The following PREP variants were observed in gnomAD, a reference collection of about 807,000 sequenced individuals.
The protein encoded by PREP is prolyl endopeptidase, also known as dJ355L5.1 (prolyl endopeptidase).
PREP carries 29 observed loss-of-function variants against 87.6 expected under a neutral mutation model. The observed-to-expected ratio is 0.33, with a 90% CI of 0.25 to 0.45. The LOEUF is 0.45. PREP is among the 20% of genes least tolerant of loss of function. PREP has a pLI of 1.00. For missense variants in PREP, 695 were observed against 886.5 expected, an observed-to-expected ratio of 0.78 and a Z score of 2.74; for synonymous variants, 337 against 328.6, an observed-to-expected ratio of 1.03 and a Z score of -0.28.
At chr6:105,321,869 C>T (rs1342190448) in intron 10 of PREP, among the ~76,000 whole-genome samples, 3 of 152,128 alleles carry the variant, frequency 2.0e-5, no homozygotes, top group East Asian at 3.9e-4. Context: ...GGATCTCTCT[C>T]GTGCAACCCT....
At chr6:105,371,625 G>A (rs1772551332) in intron 5 of PREP, among the ~76,000 whole-genome samples, 1 of 150,356 alleles carries the variant, frequency 6.7e-6, no homozygotes, top group South Asian at 2.1e-4. Flanking sequence ...TCATTATGAT[G>A]ACGTACCAAG....
chr6:105,363,813 G>A (rs890292321), intron 6 of PREP, among the ~76,000 whole-genome samples: 1 of 152,130 alleles, frequency 6.6e-6, no homozygotes, highest in African/African-American at 2.4e-5. Context: ...GAATCTCGAG[G>A]GAATGCTTCT....
chr6:105,344,987 T>G (rs1771759753), intron 7 of PREP, among the ~76,000 whole-genome samples: 1 of 152,238 alleles, frequency 6.6e-6, no homozygotes, highest in South Asian at 2.1e-4. Flanking sequence ...GTGGCTGGAT[T>G]CACAAAAGTC....
chr6:105,303,538 C>G (rs1770589847), intron 10 of PREP, among the ~76,000 whole-genome samples: 1 of 152,036 alleles, frequency 6.6e-6, no homozygotes, highest in Non-Finnish European at 1.5e-5. Flanking sequence ...AATCTATTGG[C>G]TCTTAGAAGT....
chr6:105,278,256 A>G lies in PREP; in HGVS notation c.2021T>C (p.Val674Ala), dbSNP rs763255297. Residue 674 changes from valine to alanine, a missense_variant, in exon 15 of 15, where the codon GTG becomes GCG. Physicochemically the swap from Val to Ala is moderately conservative, Grantham distance 64. This residue lies in a region of PREP where 121 missense variants were observed against 154.8 expected (regional missense o/e 0.78). Coordinates refer to ENST00000652536, the MANE Select transcript of PREP (RefSeq NM_002726.5). This position sits in a 1 kb window ranked among gnomAD's most constrained non-coding sequence, Gnocchi z 4.2. ...RKQSNPLLIH[V>A]DTKAGHGAGK... is the part of the protein sequence containing the mutation. ...CGCCCCGTGGCCCGCCTTGGTGTCC[A>G]CGTGGATAAGCAGGGGGTTGCTTTG... 7 of 1,614,166 alleles carry G rather than the reference A, an allele frequency of 4.3e-6. No individual in the cohort carries two copies. The highest frequency in any genetic ancestry group is 5.9e-6 in the Non-Finnish European group (7 of 1,180,030).
chr6:105,296,679 T>G (rs1021374918), intron 10 of PREP, among the ~76,000 whole-genome samples: 6 of 152,254 alleles, frequency 3.9e-5, no homozygotes, highest in Non-Finnish European at 7.3e-5. Flanking sequence ...GAATGGTTCC[T>G]TTCCAGGTCT....
At chr6:105,322,030 C>T (rs1399793565) in intron 10 of PREP, among the ~76,000 whole-genome samples, 1 of 151,910 alleles carries the variant, frequency 6.6e-6, no homozygotes, top group African/African-American at 2.4e-5. Context: ...AGAACAAGGC[C>T]CTGAGAAAAC....
chr6:105,275,391 C>T lies in PREP; in HGVS notation c.*2753G>A, dbSNP rs1438664944. 6.6e-6 allele frequency among the ~76,000 whole-genome samples: 1 copy of T among 152,108 alleles called. No individual in the cohort carries two copies. Among genetic ancestry groups the T allele is most frequent in the Admixed American group, 6.5e-5 (1 of 15,272 alleles). ...TTAATTGGAAAGTTTTATAATATTC[C>T]AGGTAAGTCCATAGTGAACATAAAT... On this transcript the variant is annotated 3_prime_UTR_variant, in exon 15 of 15. Transcript: ENST00000652536.
At chr6:105,305,960 G>A (rs1314520770) in intron 10 of PREP, among the ~76,000 whole-genome samples, 5 of 151,796 alleles carry the variant, frequency 3.3e-5, no homozygotes, top group East Asian at 1.9e-4. Context: ...TTGTGCCTCC[G>A]TCTCCTGAGT....
chr6:105,392,043 C>CTTTTTT (rs201604035), intron 2 of PREP, among the ~76,000 whole-genome samples: 1 of 123,250 alleles, frequency 8.1e-6, no homozygotes. Context: ...GTCTTCAAAT[C>CTTTTTT]TTTTTTTTTT....
Position 105,282,543 on chromosome 6 carries a change from A to C in PREP, c.1589T>G (p.Phe530Cys). 6.2e-7 allele frequency: 1 copy of C among 1,614,172 alleles called. No individual in the cohort carries two copies. The highest frequency in any genetic ancestry group is 8.5e-7 in the Non-Finnish European group (1 of 1,180,018). ...LANKQNCFDD[F>C]QCAAEYLIKE... The stretch of plus-strand genomic sequence containing the variant: ...GATCAGATACTCAGCAGCACACTGA[A>C]AGTCATCAAAGCAGTTTTGTTTGTT... Residue 530 changes from phenylalanine to cysteine, a missense_variant, in exon 13 of 15, where the codon TTT (phenylalanine) becomes TGT (cysteine). Phe to Cys is a radical substitution (Grantham distance 205). Transcript: ENST00000652536.
chr6:105,322,062 A>G (rs1353350725), intron 10 of PREP, among the ~76,000 whole-genome samples: 1 of 152,164 alleles, frequency 6.6e-6, no homozygotes, highest in Non-Finnish European at 1.5e-5. Flanking sequence ...ACTGATAGGG[A>G]CACATTTTCT....
At chr6:105,333,837 C>T (rs1435516665) in intron 7 of PREP, among the ~76,000 whole-genome samples, 2 of 152,152 alleles carry the variant, frequency 1.3e-5, no homozygotes, top group African/African-American at 2.4e-5. Flanking sequence ...CATTCCAAGT[C>T]GTCGTCGTCT....
intron 10 of PREP, among the ~76,000 whole-genome samples, chr6:105,318,723 G>T (rs1770933336): frequency 6.6e-6 from 1 of 152,154 alleles, no homozygotes; most frequent in South Asian, 2.1e-4. Flanking sequence ...AAAATAGAGT[G>T]ACCCCTCAGA....
intron 1 of PREP, among the ~76,000 whole-genome samples, chr6:105,398,788 A>T (rs1367420954): frequency 1.3e-5 from 2 of 152,062 alleles, no homozygotes; most frequent in Non-Finnish European, 2.9e-5. Flanking sequence ...TCATTACAAA[A>T]TCTCTCCACC....
In PREP at chr6:105,278,183, C is replaced by A. The variant is rs144462878; in HGVS notation, c.2094G>T (p.Ala698=). 9.3e-6 allele frequency: 15 copies of A among 1,613,864 alleles called. No individual in the cohort carries two copies. The highest frequency in any genetic ancestry group is 2.7e-5 in the African/African-American group (2 of 74,940). The change falls in exon 15 of 15, where the codon GCG becomes GCT. Residue 698 remains alanine (A), a synonymous_variant. Coordinates refer to ENST00000652536, the MANE Select transcript of PREP (RefSeq NM_002726.5). This position sits in a 1 kb window ranked among gnomAD's most constrained non-coding sequence, Gnocchi z 4.2. ...CGACGTTCAGGCACCGCGCGATGAACGCAAACATGTCTGAGACTTCCTCTA... is the reference window on the plus strand; with the variant it reads ...CGACGTTCAGGCACCGCGCGATGAAAGCAAACATGTCTGAGACTTCCTCTA... ...KVIEEVSDMF[A]FIARCLNVDW...
intron 10 of PREP, among the ~76,000 whole-genome samples, chr6:105,316,908 G>C (rs1770887113): frequency 6.6e-6 from 1 of 151,172 alleles, no homozygotes; most frequent in East Asian, 1.9e-4. Context: ...AGAAACTATA[G>C]TTTTTAGAGG....
At chr6:105,338,497 T>A (rs1246869345) in intron 7 of PREP, among the ~76,000 whole-genome samples, 1 of 152,200 alleles carries the variant, frequency 6.6e-6, no homozygotes, top group Non-Finnish European at 1.5e-5. Context: ...ACGGGTGATT[T>A]CTACATTTCC....
intron 2 of PREP, among the ~76,000 whole-genome samples, chr6:105,380,683 AAC>A (rs1772813349): frequency 6.6e-6 from 1 of 152,124 alleles, no homozygotes; most frequent in Admixed American, 6.5e-5. Context: ...GCCTCACCAG[AAC>A]ATTCTAGTCA....
Sources: gnomAD v4.1 joint callset for allele counts (sites outside exome capture counted in the v4.1 genomes callset) on GRCh38, gnomAD v4.1.1 for gene constraint, gnomAD v4.1.1 regional missense constraint, Gnocchi (gnomAD v3.1) non-coding constraint, MANE v1.5 for transcripts, NCBI Gene and HGNC (gene_info 2026-07-23, HGNC 2026-07-21) for gene names.